The following MEGF9 variants were observed in gnomAD, a reference collection of about 807,000 sequenced individuals.
MEGF9 encodes multiple epidermal growth factor-like domains protein 9.
A neutral mutation model predicts 46.8 loss-of-function variants in MEGF9; 6 were observed. That is an observed-to-expected ratio of 0.13 (90% CI 0.07 to 0.25). The LOEUF is 0.25. Ranked by LOEUF, MEGF9 falls within the 10% of genes least tolerant of loss-of-function variation. MEGF9 has a pLI of 1.00. For missense variants in MEGF9, 683 were observed against 792.4 expected, an observed-to-expected ratio of 0.86 and a Z score of 1.66; for synonymous variants, 302 against 330.7, an observed-to-expected ratio of 0.91 and a Z score of 0.94.
intron 2 of MEGF9, among the ~76,000 whole-genome samples, chr9:120,629,799 G>A (rs1226138718): frequency 1.3e-5 from 2 of 152,114 alleles, no homozygotes; most frequent in South Asian, 2.1e-4. Flanking sequence ...TAGGCGTGGT[G>A]GCACGCACCT....
At position 120,605,596 on chromosome 9, in the gene MEGF9, T is replaced by C. The variant is rs373252092; in HGVS notation, c.1403A>G (p.Asn468Ser). 100 of 1,598,674 alleles carry C rather than the reference T, an allele frequency of 6.3e-5. No individual in the cohort carries two copies. The African/African-American group carries it at 1.0e-3, about 16-fold the overall frequency. Residue 468 changes from asparagine (N) to serine (S), a missense_variant, in exon 6 of 6, where the codon AAT becomes AGT. This residue lies in a region of MEGF9 where 313 missense variants were observed against 421.1 expected (regional missense o/e 0.74). Coordinates refer to ENST00000373930, the MANE Select transcript of MEGF9 (RefSeq NM_001080497.3). This position sits in a 1 kb window ranked among gnomAD's most constrained non-coding sequence, Gnocchi z 4.0. ...GGGCACTGATGTGGTCAAAGAGGCA[T>C]TGGAAACCAAAATGGTAGAACCTTC... ...TPEGSTILVS[N>S]ASLTTSVPTP...
intron 1 of MEGF9, among the ~76,000 whole-genome samples, chr9:120,704,105 G>A (rs1023182371): frequency 6.6e-6 from 1 of 152,114 alleles, no homozygotes; most frequent in East Asian, 1.9e-4. Flanking sequence ...AGGCCAAGGC[G>A]GGCGGATCAC....
intron 1 of MEGF9, among the ~76,000 whole-genome samples, chr9:120,663,663 G>A (rs1290250423): frequency 6.6e-6 from 1 of 152,168 alleles, no homozygotes; most frequent in Non-Finnish European, 1.5e-5. Context: ...ACAATATGAA[G>A]AGGACACCTA....
intron 1 of MEGF9, among the ~76,000 whole-genome samples, chr9:120,675,530 T>C (rs2043768765): frequency 6.6e-6 from 1 of 151,964 alleles, no homozygotes; most frequent in Admixed American, 6.6e-5. Context: ...GAGGTCAAGG[T>C]TGCAGTGAGT....
intron 1 of MEGF9, among the ~76,000 whole-genome samples, chr9:120,702,167 C>T (rs79732441): frequency 0.024 from 3,608 of 152,188 alleles, 154 homozygotes; most frequent in African/African-American, 0.083. Flanking sequence ...CTAAAGGTAC[C>T]AAATCTTAGA....
intron 1 of MEGF9, among the ~76,000 whole-genome samples, chr9:120,707,288 T>A (rs2043933230): frequency 6.6e-6 from 1 of 152,176 alleles, no homozygotes; most frequent in Admixed American, 6.5e-5. Context: ...AACTACAAAT[T>A]TTCCTGTAAC....
intron 1 of MEGF9, among the ~76,000 whole-genome samples, chr9:120,676,031 C>T (rs1475979336): frequency 6.6e-6 from 1 of 152,092 alleles, no homozygotes; most frequent in Non-Finnish European, 1.5e-5. Context: ...AATGTTTCCA[C>T]CTAAACTTTA....
At chr9:120,659,610 T>C in intron 1 of MEGF9, 35 bp from the exon 2 acceptor site, 1 of 1,469,866 alleles carries the variant, frequency 6.8e-7, no homozygotes, top group Non-Finnish European at 9.3e-7. Context: ...CATTACCAAC[T>C]AAGATTTAAT....
At chr9:120,639,509 A>G (rs1017779355) in intron 2 of MEGF9, among the ~76,000 whole-genome samples, 1 of 110,922 alleles carries the variant, frequency 9.0e-6, no homozygotes, top group Non-Finnish European at 1.8e-5. Flanking sequence ...CTCCGTCTTT[A>G]AAAAAAAAAA....
intron 1 of MEGF9, among the ~76,000 whole-genome samples, chr9:120,674,905 G>A (rs2043766170): frequency 6.9e-6 from 1 of 144,704 alleles, no homozygotes; most frequent in Non-Finnish European, 1.5e-5. Flanking sequence ...TCGAGACGGA[G>A]TCTTGCTCTG....
chr9:120,694,504 T>C (rs1248267524), intron 1 of MEGF9, among the ~76,000 whole-genome samples: 4 of 152,236 alleles, frequency 2.6e-5, no homozygotes, highest in African/African-American at 4.8e-5. Flanking sequence ...TTTACATTTA[T>C]ACGAATCATT....
At chr9:120,644,172 C>T (rs1427640383) in intron 2 of MEGF9, among the ~76,000 whole-genome samples, 2 of 152,132 alleles carry the variant, frequency 1.3e-5, no homozygotes, top group Non-Finnish European at 2.9e-5. Flanking sequence ...CGCATTTACT[C>T]GTCATGTCTC....
At position 120,602,935 on chromosome 9, in the gene MEGF9, T is replaced by C. The variant is rs2043404183; in HGVS notation, c.*2255A>G. ...ATGAAGCACAAACTGGCAGTTTTGT[T>C]TTCTAATCACTAATACTAACTTCAG... On this transcript the variant is annotated 3_prime_UTR_variant, in exon 6 of 6. Transcript: ENST00000373930. 1 of 152,162 alleles carries C rather than the reference T, an allele frequency of 6.6e-6. No individual in the cohort carries two copies. The highest frequency in any genetic ancestry group is 2.1e-4 in the South Asian group (1 of 4,834). 9.4% of individuals were successfully genotyped at this position (152,162 alleles called of 1,614,324 possible).
chr9:120,671,209 T>C (rs1009236494), intron 1 of MEGF9, among the ~76,000 whole-genome samples: 1 of 152,202 alleles, frequency 6.6e-6, no homozygotes, highest in African/African-American at 2.4e-5. Context: ...GATCAAGTCC[T>C]CTCCTTATGC....
chr9:120,695,877 T>C (rs2043874674), intron 1 of MEGF9, among the ~76,000 whole-genome samples: 1 of 152,216 alleles, frequency 6.6e-6, no homozygotes, highest in Non-Finnish European at 1.5e-5. Flanking sequence ...GATTCTTGTT[T>C]TTCTGGCCTC....
At position 120,668,783 on chromosome 9, in the gene MEGF9, G is replaced by A. The variant is rs76037956; in HGVS notation, c.602-9208C>T. 3.3e-5 allele frequency among the ~76,000 whole-genome samples: 5 copies of A among 152,310 alleles called. No individual in the cohort carries two copies. In the East Asian group the frequency reaches 9.6e-4, roughly 29 times the overall value. On this transcript the variant is annotated intron_variant, in intron 1 of 5. Coordinates refer to ENST00000373930, the MANE Select transcript of MEGF9 (RefSeq NM_001080497.3). ...CTCCTTTAGTGTTCACCATAATCCT[G>A]TGATGCAGGTACCTTAAGCAAGGAA...
At chr9:120,663,686 G>C (rs1161147084) in intron 1 of MEGF9, among the ~76,000 whole-genome samples, 1 of 152,202 alleles carries the variant, frequency 6.6e-6, no homozygotes, top group Admixed American at 6.5e-5. Context: ...GCTAATTGCA[G>C]ACAAGTATGA....
At chr9:120,615,587 T>C (rs2043468794) in intron 3 of MEGF9, among the ~76,000 whole-genome samples, 1 of 151,436 alleles carries the variant, frequency 6.6e-6, no homozygotes, top group Admixed American at 6.6e-5. Flanking sequence ...AAAGTAAAAA[T>C]GAAAGCAAGT....
At position 120,655,590 on chromosome 9, in the gene MEGF9, T is replaced by G. The variant is rs533100701; in HGVS notation, c.803+3784A>C. The stretch of plus-strand genomic sequence containing the variant: ...TCGTCCATCACTGAATATCACATAT[T>G]CCACATGAGATACTAACAAAAAACC... On this transcript the variant is annotated intron_variant, in intron 2 of 5. Transcript: ENST00000373930. Among the ~76,000 whole-genome samples the G allele has an allele frequency of 2.6e-5, 4 of 152,260 alleles. No individual in the cohort carries two copies. In the East Asian group the frequency reaches 5.8e-4, roughly 22 times the overall value.
Sources: allele counts gnomAD v4.1 joint callset (sites outside exome capture counted in the v4.1 genomes callset), GRCh38; gene constraint gnomAD v4.1.1; regional missense constraint gnomAD v4.1.1; non-coding constraint Gnocchi (gnomAD v3.1); transcripts MANE v1.5; gene names NCBI Gene and HGNC (gene_info 2026-07-23, HGNC 2026-07-21).